SEC63: variants seen among roughly 807,000 people sequenced by gnomAD.
The protein encoded by SEC63 is SEC63 protein translocation regulator, also known as translocation protein SEC63 homolog.
In SEC63, 56 loss-of-function variants were observed where a neutral mutation model predicts 116.2. The ratio of observed to expected loss-of-function variants is 0.48; its 90% CI spans 0.39 to 0.60. SEC63 has a LOEUF of 0.60. Among genes scored for constraint, SEC63 ranks in the 20% least tolerant of loss-of-function variants. The pLI, the probability that SEC63 is intolerant of heterozygous loss-of-function variation, is 0.00. For synonymous variants in SEC63, 273 were observed against 294.6 expected (o/e 0.93, Z 0.75); for missense variants, 668 against 900.0 (o/e 0.74, Z 3.30).
chr6:107,903,532 C>T (rs1289954345), intron 11 of SEC63, among the ~76,000 whole-genome samples: 9 of 151,982 alleles, frequency 5.9e-5, no homozygotes, highest in African/African-American at 2.2e-4. Flanking sequence ...AAAGTGAGAT[C>T]CCACCTCTAC....
Position 107,929,510 on chromosome 6 carries a change from T to C in SEC63, c.129A>G (p.Gln43=), listed in dbSNP as rs371586376. ...CTTTTCTGATATTCTTTAATCGAAT[T>C]TGCTCTGTCAAGAAAGAAAAATAAG... ...YLWPRDQNAE[Q]IRLKNIRKVY... Residue 43 remains glutamine (Q), a synonymous_variant, in exon 2 of 21, where the codon CAA becomes CAG. Transcript: ENST00000369002. 1.3e-6 allele frequency: 2 copies of C among 1,579,468 alleles called. No homozygotes were observed. The highest frequency in any genetic ancestry group is 1.3e-5 in the African/African-American group (1 of 74,362).
chr6:107,916,920 A>C (rs72937370), intron 4 of SEC63, among the ~76,000 whole-genome samples: 17,933 of 152,172 alleles, frequency 0.12, 1,374 homozygotes, highest in Non-Finnish European at 0.18. Context: ...CTAACCCTAA[A>C]ATGGCCTCTG....
intron 18 of SEC63, among the ~76,000 whole-genome samples, chr6:107,878,181 C>T (rs925118580): frequency 1.3e-5 from 2 of 152,228 alleles, no homozygotes; most frequent in African/African-American, 4.8e-5. Flanking sequence ...CTGCAGACTG[C>T]AGTTTGACAA....
intron 1 of SEC63, 88 bp downstream of exon 1, chr6:107,957,798 G>A: frequency 7.6e-7 from 1 of 1,322,850 alleles, no homozygotes; most frequent in Non-Finnish European, 9.7e-7. Flanking sequence ...GGACGCCGCG[G>A]GCTGGGGCCG....
chr6:107,926,278 G>A (rs1664086086), intron 2 of SEC63, among the ~76,000 whole-genome samples: 1 of 152,078 alleles, frequency 6.6e-6, no homozygotes, highest in South Asian at 2.1e-4. Context: ...ACTAGCTTTA[G>A]GTGATGAATG....
At chr6:107,907,798 C>T (rs538179108) in intron 8 of SEC63, among the ~76,000 whole-genome samples, 1 of 152,268 alleles carries the variant, frequency 6.6e-6, no homozygotes, top group East Asian at 1.9e-4. Flanking sequence ...TACTTAATAA[C>T]AACTGTTCCT....
chr6:107,932,472 T>C lies in SEC63; in HGVS notation c.125-2958A>G, dbSNP rs1159174282. ...CCCAGCAAGAAGTACCGAAACCAAG[T>C]ATCAGGAAGAGGGAGAGATCCATGT... On this transcript the variant is annotated intron_variant, in intron 1 of 20. Transcript: ENST00000369002. Among the ~76,000 whole-genome samples the C allele has an allele frequency of 2.6e-5, 4 of 152,158 alleles. No individual in the cohort carries two copies. The East Asian group carries it at 5.8e-4, about 22-fold the overall frequency.
At chr6:107,900,111 ATGTC>A (rs761530854) in intron 13 of SEC63, among the ~76,000 whole-genome samples, 2 of 152,180 alleles carry the variant, frequency 1.3e-5, no homozygotes, top group Non-Finnish European at 2.9e-5. Context: ...AAATGGTACA[ATGTC>A]TGTGTCATTC....
At chr6:107,881,378 C>G in intron 17 of SEC63, 128 bp from the exon 18 acceptor site, 1 of 672,184 alleles carries the variant, frequency 1.5e-6, no homozygotes, top group Non-Finnish European at 2.6e-6. Flanking sequence ...TCTCACAAAT[C>G]TGATCATCTC....
At chr6:107,912,691 A>G (rs747595146) in intron 6 of SEC63, 25 bp downstream of exon 6, 36 of 1,486,150 alleles carry the variant, frequency 2.4e-5, no homozygotes, top group Non-Finnish European at 3.3e-5. Flanking sequence ...ATACATCATA[A>G]TGTATCTTAT....
At chr6:107,948,802 C>T (rs1770525954) in intron 1 of SEC63, among the ~76,000 whole-genome samples, 1 of 152,136 alleles carries the variant, frequency 6.6e-6, no homozygotes, top group African/African-American at 2.4e-5. Context: ...AAGAAGGTAA[C>T]CACACCTAAA....
At chr6:107,954,482 C>CAAAAAAAAAAAAAAAAAAAAAAATAAA (rs4028832) in intron 1 of SEC63, 1 of 116,870 alleles carries the variant, frequency 8.6e-6, no homozygotes, top group Non-Finnish European at 1.6e-5. Flanking sequence ...AAAAAAAAAT[C>CAAAAAAAAAAAAAAAAAAAAAAATAAA]AAAAAAAAAA....
intron 1 of SEC63, among the ~76,000 whole-genome samples, chr6:107,931,515 C>T (rs553199720): frequency 4.6e-5 from 7 of 150,758 alleles, no homozygotes; most frequent in Middle Eastern, 3.4e-3. Flanking sequence ...ATTGGGAGGC[C>T]GAGGCAGGCA....
At chr6:107,918,525 C>G (rs1167284248) in intron 4 of SEC63, among the ~76,000 whole-genome samples, 5 of 151,992 alleles carry the variant, frequency 3.3e-5, no homozygotes, top group Non-Finnish European at 7.4e-5. Flanking sequence ...AACCCTGTCT[C>G]TACTAAAAAT....
At chr6:107,924,177 T>TGGCATGAACCCAGGA (rs1787618976) in intron 3 of SEC63, among the ~76,000 whole-genome samples, 1 of 148,632 alleles carries the variant, frequency 6.7e-6, no homozygotes, top group Non-Finnish European at 1.5e-5. Context: ...GGCAGGAGAA[T>TGGCATGAACCCAGGA]GGCATGAACC....
rs946704846 is a variant in SEC63, at chr6:107,870,899, T to C, written c.*805A>G. ...AGTAGACTGAAAACTAAGGATGTAG[T>C]TCAGCTTTTAGAGTGAACCTTTTTT... On this transcript the variant is annotated 3_prime_UTR_variant, in exon 21 of 21. Coordinates refer to ENST00000369002, the MANE Select transcript of SEC63 (RefSeq NM_007214.5). 6.6e-6 allele frequency: 1 copy of C among 152,394 alleles called. No individual in the cohort carries two copies. Among genetic ancestry groups the C allele is most frequent in the African/African-American group, 2.4e-5 (1 of 41,438 alleles). The allele number at this position is 152,394 out of a possible 1,614,324, so 9.4% of individuals were successfully genotyped here.
Position 107,901,500 on chromosome 6 carries a change from G to T in SEC63, c.1227C>A (p.Ile409=). The change falls in exon 13 of 21, where the codon ATC becomes ATA. Residue 409 remains isoleucine, a synonymous_variant. Coordinates refer to ENST00000369002, the MANE Select transcript of SEC63 (RefSeq NM_007214.5). The part of the protein sequence containing the change: ...SNHKKYKIKT[I]QDLVSLKESD... ...ATTCTTTTAAACTCACCAAATCCTG[G>T]ATAGTTTTAATTTTATACTGAATAA... The T allele has an allele frequency of 1.3e-6, 2 of 1,590,338 alleles. No individual in the cohort carries two copies. Among genetic ancestry groups the T allele is most frequent in the Non-Finnish European group, 1.7e-6 (2 of 1,159,900 alleles).
At chr6:107,906,037 A>T (rs1051477800) in intron 10 of SEC63, among the ~76,000 whole-genome samples, 2 of 152,132 alleles carry the variant, frequency 1.3e-5, no homozygotes, top group Non-Finnish European at 2.9e-5. Flanking sequence ...GTAATCCCCA[A>T]TGCTGGAGGT....
intron 8 of SEC63, among the ~76,000 whole-genome samples, 169 bp downstream of exon 8, chr6:107,908,758 A>C (rs1787210438): frequency 6.6e-6 from 1 of 152,226 alleles, no homozygotes; most frequent in Non-Finnish European, 1.5e-5. Flanking sequence ...TAAATTAAGA[A>C]ATGTGACAAA....
Sources: allele counts gnomAD v4.1 joint callset (sites outside exome capture counted in the v4.1 genomes callset), GRCh38; gene constraint gnomAD v4.1.1; transcripts MANE v1.5; gene names NCBI Gene and HGNC (gene_info 2026-07-23, HGNC 2026-07-21).